UBAP2: variants seen among roughly 807,000 people sequenced by gnomAD.
The protein encoded by UBAP2 is ubiquitin-associated protein 2.
In UBAP2, 75 loss-of-function variants were observed where a neutral mutation model predicts 139.6. That is an observed-to-expected ratio of 0.54 (90% confidence interval 0.45 to 0.65). UBAP2 has a LOEUF of 0.65. UBAP2 is among the 30% of genes least tolerant of loss of function. UBAP2 has a pLI of 0.00. For synonymous variants in UBAP2, 526 were observed against 526.2 expected, an observed-to-expected ratio of 1.00 and a Z score of 0.01; for missense variants, 1,368 against 1,369.6, an observed-to-expected ratio of 1.00 and a Z score of 0.02.
intron 2 of UBAP2, among the ~76,000 whole-genome samples, chr9:34,013,582 T>C (rs1364065399): frequency 2.0e-5 from 3 of 151,416 alleles, no homozygotes; most frequent in Non-Finnish European, 4.4e-5. Flanking sequence ...AATTGAGTAA[T>C]TAACATCTTA....
rs1236950873 is a variant in UBAP2, at chr9:33,996,396, C to T, written c.178-63G>A. The T allele has an allele frequency of 4.7e-6, 5 of 1,058,098 alleles. No homozygotes were observed. The Admixed American group carries it at 5.2e-5, about 11-fold the overall frequency. 65.5% of individuals were successfully genotyped at this position (1,058,098 alleles called of 1,614,324 possible). A position where few individuals can be genotyped will look rare whatever the true frequency, so the allele number is the denominator to read the frequency against. Reference sequence around the variant, plus strand: ...AAAACTGGCACTTGATATTAAGATTCTTCTATACAAATACAGAATTACATA... The same window carrying T: ...AAAACTGGCACTTGATATTAAGATTTTTCTATACAAATACAGAATTACATA... On this transcript the variant is annotated intron_variant, in intron 3 of 28. Transcript: ENST00000379238.
chr9:34,024,204 T>A (rs776995348), intron 1 of UBAP2, among the ~76,000 whole-genome samples: 123 of 152,012 alleles, frequency 8.1e-4, no homozygotes, highest in Non-Finnish European at 4.6e-4. Context: ...TAGCCGGGCG[T>A]GGGGGCACAT....
At chr9:33,977,690 T>C (rs1467279522) in intron 6 of UBAP2, among the ~76,000 whole-genome samples, 3 of 151,312 alleles carry the variant, frequency 2.0e-5, no homozygotes, top group Admixed American at 2.0e-4. Flanking sequence ...TGAGACAGAG[T>C]TTTGCTCTGT....
intron 17 of UBAP2, among the ~76,000 whole-genome samples, chr9:33,933,843 C>A (rs919403675): frequency 1.3e-5 from 2 of 152,178 alleles, no homozygotes; most frequent in Non-Finnish European, 2.9e-5. Flanking sequence ...GTCAGCTGTT[C>A]AAGATGCAGC....
intron 6 of UBAP2, among the ~76,000 whole-genome samples, chr9:33,974,173 T>G (rs538141623): frequency 6.6e-6 from 1 of 152,032 alleles, no homozygotes; most frequent in Non-Finnish European, 1.5e-5. Context: ...CTGGGTGACA[T>G]AGCAAGACTC....
intron 17 of UBAP2, 112 bp from the exon 18 acceptor site, chr9:33,933,740 TCC>T: frequency 1.4e-6 from 2 of 1,451,732 alleles, no homozygotes; most frequent in Non-Finnish European, 1.9e-6. Context: ...AGTTGAGACG[TCC>T]ATAAAGTTAC....
chr9:33,975,677 G>A (rs1587595769), intron 6 of UBAP2, among the ~76,000 whole-genome samples: 1 of 151,380 alleles, frequency 6.6e-6, no homozygotes, highest in African/African-American at 2.4e-5. Context: ...GTAGTGGCAG[G>A]CGCCTGTAGT....
intron 1 of UBAP2, among the ~76,000 whole-genome samples, chr9:34,037,708 G>A (rs1397175337): frequency 6.6e-6 from 1 of 152,054 alleles, no homozygotes; most frequent in East Asian, 1.9e-4. Context: ...ATAAATAATT[G>A]AGAAAATAAT....
intron 24 of UBAP2, 64 bp downstream of exon 24, chr9:33,923,731 C>G: frequency 6.5e-7 from 1 of 1,535,024 alleles, no homozygotes; most frequent in Non-Finnish European, 9.0e-7. Context: ...AAGATAGGTC[C>G]CAGGTTTCCA....
rs546937119 is a variant in UBAP2 at position 34,005,153 on chromosome 9, C to G, written c.100-6289G>C. 8.6e-5 allele frequency among the ~76,000 whole-genome samples: 13 copies of G among 151,650 alleles called. No homozygotes were observed. The South Asian group carries it at 2.5e-3, about 29-fold the overall frequency. ...TGGCACGAGCCTGAAATCCCAACTACTCAGGAGGTTGAGGCACAAGAATCA... is the reference window on the plus strand; with the variant it reads ...TGGCACGAGCCTGAAATCCCAACTAGTCAGGAGGTTGAGGCACAAGAATCA... On this transcript the variant is annotated intron_variant, in intron 2 of 28. Coordinates refer to ENST00000379238, the MANE Select transcript of UBAP2 (RefSeq NM_001370062.2).
At chr9:34,043,837 G>A (rs1343589049) in intron 1 of UBAP2, among the ~76,000 whole-genome samples, 3 of 148,558 alleles carry the variant, frequency 2.0e-5, no homozygotes, top group East Asian at 2.0e-4. Context: ...GTTTCAGGGG[G>A]AAAAAAAAGG....
intron 10 of UBAP2, 102 bp downstream of exon 10, chr9:33,960,724 G>A (rs1826978164): frequency 8.7e-7 from 1 of 1,144,718 alleles, no homozygotes; most frequent in East Asian, 2.4e-5. Flanking sequence ...AGGTTGCAAT[G>A]AGCCAAGATC....
intron 1 of UBAP2, among the ~76,000 whole-genome samples, chr9:34,030,722 C>T (rs530580172): frequency 6.6e-6 from 1 of 151,862 alleles, no homozygotes; most frequent in Non-Finnish European, 1.5e-5. Context: ...GTCAGGTGAT[C>T]GAGACCATCC....
chr9:34,039,394 G>A (rs957859295), intron 1 of UBAP2, among the ~76,000 whole-genome samples: 5 of 152,184 alleles, frequency 3.3e-5, no homozygotes, highest in Non-Finnish European at 5.9e-5. Context: ...TGACGATGGC[G>A]GTTTTGTCGA....
intron 1 of UBAP2, among the ~76,000 whole-genome samples, chr9:34,048,414 T>C (rs537021569): frequency 6.6e-6 from 1 of 152,234 alleles, no homozygotes; most frequent in South Asian, 2.1e-4. Flanking sequence ...CAAGACTAGC[T>C]ACGGGCGTGA....
chr9:33,926,778 A>T (rs1823469678), intron 21 of UBAP2, 114 bp from the exon 22 acceptor site: 3 of 1,166,732 alleles, frequency 2.6e-6, no homozygotes, highest in Admixed American at 3.5e-5. Context: ...CGGGAATGGG[A>T]TCTGGATTAG....
chr9:33,981,845 AAGGGAG>A (rs1820794343), intron 6 of UBAP2, among the ~76,000 whole-genome samples: 1 of 115,444 alleles, frequency 8.7e-6, no homozygotes, highest in African/African-American at 3.7e-5. Flanking sequence ...GAAGGGGGGA[AAGGGAG>A]GGAGGGAAGG....
At chr9:33,999,640 T>G (rs1034215469) in intron 2 of UBAP2, among the ~76,000 whole-genome samples, 1 of 151,796 alleles carries the variant, frequency 6.6e-6, no homozygotes, top group Non-Finnish European at 1.5e-5. Flanking sequence ...CAAGTGATCC[T>G]CCCACCTCAG....
intron 11 of UBAP2, 51 bp downstream of exon 11, chr9:33,956,028 G>A (rs1826533533): frequency 4.2e-6 from 6 of 1,434,394 alleles, no homozygotes; most frequent in Non-Finnish European, 5.7e-6. Context: ...TGAGGCAAAA[G>A]ATTTCTGTAA....
Sources: gnomAD v4.1 joint callset for allele counts (sites outside exome capture counted in the v4.1 genomes callset) on GRCh38, gnomAD v4.1.1 for gene constraint, MANE v1.5 for transcripts, NCBI Gene and HGNC (gene_info 2026-07-23, HGNC 2026-07-21) for gene names.